The following PPL variants were observed in gnomAD, a reference collection of about 807,000 sequenced individuals.
PPL encodes the protein periplakin, also known as 190 kDa paraneoplastic pemphigus antigen.
PPL carries 198 observed loss-of-function variants against 194.4 expected under a neutral mutation model. That is an observed-to-expected ratio of 1.02 (90% CI 0.91 to 1.15). The LOEUF is 1.15. PPL is among the 50% of genes most tolerant of loss of function. PPL has a pLI of 0.00. For synonymous variants in PPL, 1,220 were observed against 972.4 expected (o/e 1.25, Z -4.74); for missense variants, 2,885 against 2,294.8 (o/e 1.26, Z -5.25).
At position 4,883,318 on chromosome 16, in the gene PPL, A is replaced by G; in HGVS notation, c.*66T>C. Reference sequence around the variant, plus strand: ...CCAGGGCAAGGGAGAGGACGACACCAAGGAGGTCACTGCGTCGTAGGAGAG... The same window carrying G: ...CCAGGGCAAGGGAGAGGACGACACCGAGGAGGTCACTGCGTCGTAGGAGAG... On this transcript the variant is annotated 3_prime_UTR_variant, in exon 22 of 22. Coordinates refer to ENST00000345988, the MANE Select transcript of PPL (RefSeq NM_002705.5). This position sits in a 1 kb window ranked among gnomAD's most constrained non-coding sequence, Gnocchi z 4.8. 3 of 1,600,000 alleles carry G rather than the reference A, an allele frequency of 1.9e-6. No individual in the cohort carries two copies. The highest frequency in any genetic ancestry group is 1.7e-6 in the Non-Finnish European group (2 of 1,176,018).
intron 2 of PPL, among the ~76,000 whole-genome samples, chr16:4,909,362 G>C (rs1026236782): frequency 6.6e-6 from 1 of 151,580 alleles, no homozygotes; most frequent in Non-Finnish European, 1.5e-5. Flanking sequence ...CAGCTTGGCC[G>C]GGTAGACCTT....
chr16:4,900,794 CTCCCCATGAGGCCTT>C, intron 6 of PPL, 21 bp downstream of exon 6: 1 of 1,613,922 alleles, frequency 6.2e-7, no homozygotes, highest in Non-Finnish European at 8.5e-7. Flanking sequence ...ATCCTCTCCT[CTCCCCATGAGGCCTT>C]TCCCCCAGGG....
chr16:4,912,008 C>A (rs1488175172), intron 1 of PPL, among the ~76,000 whole-genome samples: 5 of 152,174 alleles, frequency 3.3e-5, no homozygotes, highest in African/African-American at 9.7e-5. Context: ...GCTTCTAATG[C>A]TTCTATTTTG....
Position 4,901,005 on chromosome 16 carries a change from C to G in PPL, c.523G>C (p.Val175Leu), listed in dbSNP as rs1437388361. The G allele has an allele frequency of 6.2e-7, 1 of 1,614,158 alleles. No homozygotes were observed. Among genetic ancestry groups the G allele is most frequent in the Admixed American group, 1.7e-5 (1 of 60,028 alleles). ...VEEHNIFHNE[V>L]KAIGPHLAKD... ...GCCAGGTGGGGCCCGATGGCCTTGACCTCATTGTGGAAGATGTTATGCTCC... is the reference window on the plus strand; with the variant it reads ...GCCAGGTGGGGCCCGATGGCCTTGAGCTCATTGTGGAAGATGTTATGCTCC... Residue 175 changes from valine (V) to leucine (L), a missense_variant, in exon 5 of 22, where the codon GTC becomes CTC. Physicochemically the swap from Val to Leu is conservative, Grantham distance 32. Coordinates refer to ENST00000345988, the MANE Select transcript of PPL (RefSeq NM_002705.5).
chr16:4,936,417 G>A (rs1207833110), intron 1 of PPL, among the ~76,000 whole-genome samples: 1 of 152,192 alleles, frequency 6.6e-6, no homozygotes, highest in African/African-American at 2.4e-5. Context: ...TGCAGCGGCG[G>A]GTGGCCCGCC....
intron 19 of PPL, chr16:4,888,580 T>C (rs1254795057): frequency 6.6e-6 from 2 of 303,424 alleles, no homozygotes; most frequent in African/African-American, 2.1e-5. Context: ...ACCAGCTTGC[T>C]GACTTTATAA....
intron 6 of PPL, among the ~76,000 whole-genome samples, chr16:4,899,921 G>A (rs1239603266): frequency 6.6e-6 from 1 of 152,186 alleles, no homozygotes; most frequent in Admixed American, 6.5e-5. Flanking sequence ...TTGCATTTTG[G>A]TACGTGGGGC....
chr16:4,893,598 C>A lies in PPL; in HGVS notation c.1435G>T (p.Gly479Trp). The A allele has an allele frequency of 1.2e-6, 2 of 1,609,912 alleles. No individual in the cohort carries two copies. The highest frequency in any genetic ancestry group is 1.7e-5 in the Admixed American group (1 of 59,884). ...QYRSVRQKAA[G>W]SKRTLQQRYE... ...CGCTGCTGCAGCGTGCGTTTGCTCC[C>A]AGCTGCCTTCTGCCGCACGCTCCGG... is the stretch of plus-strand genomic sequence containing the variant. Residue 479 changes from glycine to tryptophan, a missense_variant, in exon 13 of 22, where the codon GGG (glycine) becomes TGG (tryptophan). Gly to Trp is a radical substitution (Grantham distance 184). Transcript: ENST00000345988.
intron 1 of PPL, among the ~76,000 whole-genome samples, 196 bp from the exon 2 acceptor site, chr16:4,911,145 C>A (rs1363722334): frequency 7.2e-6 from 1 of 139,636 alleles, no homozygotes; most frequent in Non-Finnish European, 1.5e-5. Context: ...GCCTGGCAGG[C>A]GGTCAGCCTC....
chr16:4,896,037 A>G lies in PPL; in HGVS notation c.973-321T>C, dbSNP rs967585307. 4.6e-5 allele frequency among the ~76,000 whole-genome samples: 7 copies of G among 152,362 alleles called. No homozygotes were observed. The South Asian group carries it at 1.4e-3, about 32-fold the overall frequency. ...TTCAGTTCCTCTCTCTGTACTAGGAACATCCAGACTTAATACTATAGCTTC... is the reference window on the plus strand; with the variant it reads ...TTCAGTTCCTCTCTCTGTACTAGGAGCATCCAGACTTAATACTATAGCTTC... On this transcript the variant is annotated intron_variant, in intron 9 of 21. Coordinates refer to ENST00000345988, the MANE Select transcript of PPL (RefSeq NM_002705.5).
At position 4,890,246 on chromosome 16, in the gene PPL, T is replaced by G; in HGVS notation, c.2251A>C (p.Ser751Arg). 1 of 1,614,184 alleles carries G rather than the reference T, an allele frequency of 6.2e-7. No individual in the cohort carries two copies. Among genetic ancestry groups the G allele is most frequent in the Non-Finnish European group, 8.5e-7 (1 of 1,180,018 alleles). ...HVLQFLVSIP[S>R]YEPQETDSLS... ...CTGTCTGTCTCCTGGGGCTCGTAAC[T>G]GGGGATGCTGACTAGGAACTGCAGC... Residue 751 changes from serine (S) to arginine (R), a missense_variant, in exon 18 of 22, where the codon AGT becomes CGT. By Grantham distance (110) the Ser-to-Arg change is moderately radical. Transcript: ENST00000345988.
chr16:4,895,654 C>T lies in PPL; in HGVS notation c.1035G>A (p.Gln345=). 1 of 1,614,090 alleles carries T rather than the reference C, an allele frequency of 6.2e-7. No individual in the cohort carries two copies. The highest frequency in any genetic ancestry group is 1.3e-5 in the African/African-American group (1 of 75,068). ...LLRKVDSDLN[Q]KYGPDFKDRY... ...GGTCCTTGAAGTCAGGGCCATACTT[C>T]TGGTTCAGGTCCGAGTCCACCTTGC... is the stretch of plus-strand genomic sequence containing the variant. The change falls in exon 10 of 22, where the codon CAG becomes CAA. Residue 345 remains glutamine, a synonymous_variant. Coordinates refer to ENST00000345988, the MANE Select transcript of PPL (RefSeq NM_002705.5).
chr16:4,883,672 G>A lies in PPL; in HGVS notation c.4983C>T (p.Ile1661=), dbSNP rs1385571890. The A allele has an allele frequency of 1.9e-6, 3 of 1,614,136 alleles. No individual in the cohort carries two copies. The highest frequency in any genetic ancestry group is 1.6e-4 in the Middle Eastern group (1 of 6,062). ...ACAGCTCGCGGCCTGTGTCAGGGTGGATGACTACGATGGAGCGCCGCAGGT... is the reference window on the plus strand; with the variant it reads ...ACAGCTCGCGGCCTGTGTCAGGGTGAATGACTACGATGGAGCGCCGCAGGT... ...ENHLRRSIVV[I]HPDTGRELSP... is the part of the protein sequence containing the mutation. Residue 1661 remains isoleucine (I), a synonymous_variant, in exon 22 of 22, where the codon ATC becomes ATT. Coordinates refer to ENST00000345988, the MANE Select transcript of PPL (RefSeq NM_002705.5). This position sits in a 1 kb window ranked among gnomAD's most constrained non-coding sequence, Gnocchi z 4.8.
At position 4,897,641 on chromosome 16, in the gene PPL, C is replaced by T. The variant is rs200213554; in HGVS notation, c.972+34G>A. 2,292 of 1,554,386 alleles carry T rather than the reference C, an allele frequency of 1.5e-3. 2 individuals are homozygous for T. The highest frequency in any genetic ancestry group is 1.9e-3 in the Non-Finnish European group (2,136 of 1,127,790). ...GAGCGCTCTCAGAGAGTAGCACCCC[C>T]GGTGCTGGGGGGACTCCCAGGAAAG... On this transcript the variant is annotated intron_variant, in intron 9 of 21. Transcript: ENST00000345988.
rs149185740 is a variant in PPL, at chr16:4,929,621, A to T, written c.62+7363T>A. 2.1e-3 allele frequency among the ~76,000 whole-genome samples: 324 copies of T among 152,346 alleles called. 2 individuals carry two copies. Among genetic ancestry groups the T allele is most frequent in the African/African-American group, 7.1e-3 (295 of 41,574 alleles). On this transcript the variant is annotated intron_variant, in intron 1 of 21. Coordinates refer to ENST00000345988, the MANE Select transcript of PPL (RefSeq NM_002705.5). ...AAAAGGAAGAGAAATGTTATTGTTC[A>T]TTATCCTTTCAGGCCCCTTCTTAGG...
chr16:4,903,623 G>A (rs1365079155), intron 3 of PPL, among the ~76,000 whole-genome samples: 2 of 152,106 alleles, frequency 1.3e-5, no homozygotes, highest in Non-Finnish European at 2.9e-5. Context: ...GGGAGGCTGA[G>A]GCATGAGAAT....
Position 4,907,723 on chromosome 16 carries a change from T to TA in PPL, c.162+3126dup, listed in dbSNP as rs1014486246. ...TATGTTATGTGAATCTCCCCTCAAT[T>TA]AAAAAAAATGGAAAATTCAACAGAA... On this transcript the variant is annotated intron_variant, in intron 2 of 21. Coordinates refer to ENST00000345988, the MANE Select transcript of PPL (RefSeq NM_002705.5). 2.8e-4 allele frequency among the ~76,000 whole-genome samples: 43 copies of TA among 151,596 alleles called. 3 individuals are homozygous for TA. Among genetic ancestry groups the TA allele is most frequent in the African/African-American group, 9.4e-4 (39 of 41,340 alleles).
At position 4,892,171 on chromosome 16, in the gene PPL, G is replaced by A. The variant is rs202015897; in HGVS notation, c.1693C>T (p.Arg565Trp). The change falls in exon 15 of 22, where the codon CGG becomes TGG. Residue 565 changes from arginine to tryptophan, a missense_variant. By Grantham distance (101) the Arg-to-Trp change is moderately radical. Transcript: ENST00000345988. The stretch of plus-strand genomic sequence containing the variant: ...AAGGCTTCGCCCTCAGCCGTGCTCC[G>A]CGTCTTCTCAGGTTCAATCCGCAGT... ...ELLRIEPEKT[R>W]STAEGEAFIQ... 93 of 1,613,738 alleles carry A rather than the reference G, an allele frequency of 5.8e-5. No homozygotes were observed. The Middle Eastern group carries it at 2.6e-3, about 46-fold the overall frequency.
At position 4,885,110 on chromosome 16, in the gene PPL, G is replaced by A; in HGVS notation, c.3545C>T (p.Pro1182Leu). 6.2e-7 allele frequency: 1 copy of A among 1,613,802 alleles called. No individual in the cohort carries two copies. The highest frequency in any genetic ancestry group is 8.5e-7 in the Non-Finnish European group (1 of 1,179,996). ...GTTCGCCACTTCACTTTCCGCCTTG[G>A]GGTCTGGCCGCACGATCTCCCGCAC... ...EKVREIVRPDPKAESEVANLR... is the reference protein window; with the variant it reads ...EKVREIVRPDLKAESEVANLR... Residue 1182 changes from proline (P) to leucine (L), a missense_variant, in exon 22 of 22, where the codon CCC (proline) becomes CTC (leucine). Physicochemically the swap from Pro to Leu is moderately conservative, Grantham distance 98. Transcript: ENST00000345988. The surrounding 1 kb of genome is among the most constrained non-coding windows in gnomAD (Gnocchi z 6.3).
Sources: allele counts gnomAD v4.1 joint callset (sites outside exome capture counted in the v4.1 genomes callset), GRCh38; gene constraint gnomAD v4.1.1; non-coding constraint Gnocchi (gnomAD v3.1); transcripts MANE v1.5; gene names NCBI Gene and HGNC (gene_info 2026-07-23, HGNC 2026-07-21).